LRMDA: variants seen among roughly 807,000 people sequenced by gnomAD.
LRMDA encodes leucine rich melanocyte differentiation associated.
A neutral mutation model predicts 29.8 loss-of-function variants in LRMDA; 18 were observed. That is an observed-to-expected ratio of 0.60 (90% CI 0.42 to 0.90). The LOEUF is 0.90. LRMDA is among the 40% of genes least tolerant of loss of function. The pLI, the probability that LRMDA is intolerant of heterozygous loss-of-function variation, is 0.00. For synonymous variants in LRMDA, 125 were observed against 109.4 expected (o/e 1.14, Z -0.89); for missense variants, 273 against 273.9 (o/e 1.00, Z 0.02).
intron 5 of LRMDA, among the ~76,000 whole-genome samples, chr10:76,219,845 A>C (rs918433842): frequency 2.0e-5 from 3 of 152,192 alleles, no homozygotes; most frequent in African/African-American, 7.2e-5. Flanking sequence ...CACCTATTCC[A>C]AAATTGACCA....
At chr10:76,159,116 T>C (rs1200166621) in intron 5 of LRMDA, among the ~76,000 whole-genome samples, 1 of 152,168 alleles carries the variant, frequency 6.6e-6, no homozygotes, top group Non-Finnish European at 1.5e-5. Flanking sequence ...CTGATTCGTG[T>C]TCTTTATTTT....
chr10:76,218,809 C>T (rs1159719911), intron 5 of LRMDA, among the ~76,000 whole-genome samples: 1 of 152,184 alleles, frequency 6.6e-6, no homozygotes, highest in Non-Finnish European at 1.5e-5. Context: ...GAGAATTACT[C>T]AGCTCTGGGG....
intron 2 of LRMDA, among the ~76,000 whole-genome samples, chr10:75,555,902 G>T (rs1446377651): frequency 6.6e-6 from 1 of 152,154 alleles, no homozygotes; most frequent in Non-Finnish European, 1.5e-5. Flanking sequence ...TTCTAGGACT[G>T]AAAATTATAA....
intron 5 of LRMDA, chr10:76,318,517 C>G (rs976628389): frequency 6.6e-6 from 1 of 152,534 alleles, no homozygotes; most frequent in Admixed American, 6.5e-5. Flanking sequence ...TCAGCTCCCT[C>G]GCTCAGCTTC....
chr10:76,329,828 C>T (rs915823460), intron 6 of LRMDA, among the ~76,000 whole-genome samples: 10 of 152,018 alleles, frequency 6.6e-5, no homozygotes, highest in African/African-American at 1.4e-4. Context: ...AGAAAAAGAC[C>T]GAAAGAAAAA....
At chr10:76,270,798 G>T (rs1198839126) in intron 5 of LRMDA, 1 of 152,156 alleles carries the variant, frequency 6.6e-6, no homozygotes, top group Non-Finnish European at 1.5e-5. Flanking sequence ...CAATCTAAGA[G>T]CTTTAATTAA....
chr10:76,486,988 T>G (rs1243964979), intron 6 of LRMDA, among the ~76,000 whole-genome samples: 1 of 151,934 alleles, frequency 6.6e-6, no homozygotes, highest in Non-Finnish European at 1.5e-5. Flanking sequence ...ATGAACAGGT[T>G]ATTATTGTGT....
intron 5 of LRMDA, among the ~76,000 whole-genome samples, chr10:76,156,265 G>A (rs1391732271): frequency 6.6e-6 from 1 of 152,132 alleles, no homozygotes; most frequent in African/African-American, 2.4e-5. Flanking sequence ...AACCCTGGAG[G>A]ACTTCTCTTT....
At chr10:75,944,632 G>C (rs946294974) in intron 2 of LRMDA, among the ~76,000 whole-genome samples, 1 of 151,118 alleles carries the variant, frequency 6.6e-6, no homozygotes, top group Admixed American at 6.6e-5. Flanking sequence ...CTTCTGGTTA[G>C]ATAATTTCTA....
At chr10:75,958,800 C>G (rs534666822) in intron 2 of LRMDA, among the ~76,000 whole-genome samples, 1 of 152,150 alleles carries the variant, frequency 6.6e-6, no homozygotes, top group Non-Finnish European at 1.5e-5. Flanking sequence ...GTTTAATGGA[C>G]TCACAGTTCC....
At chr10:76,310,422 A>T (rs927838506) in intron 5 of LRMDA, among the ~76,000 whole-genome samples, 1 of 151,976 alleles carries the variant, frequency 6.6e-6, no homozygotes, top group Non-Finnish European at 1.5e-5. Context: ...TAACAAAAAA[A>T]GTATGGGAAT....
At chr10:76,147,458 T>C (rs866760125) in intron 5 of LRMDA, among the ~76,000 whole-genome samples, 69 of 152,318 alleles carry the variant, frequency 4.5e-4, no homozygotes, top group African/African-American at 1.5e-3. Context: ...CTGATACCCT[T>C]TCTTCCAGTT....
chr10:75,460,890 C>G (rs969741479), intron 2 of LRMDA, among the ~76,000 whole-genome samples: 1 of 152,088 alleles, frequency 6.6e-6, no homozygotes, highest in African/African-American at 2.4e-5. Flanking sequence ...TGATGAACAT[C>G]TTTGTTTGTA....
intron 2 of LRMDA, among the ~76,000 whole-genome samples, chr10:75,962,814 A>G (rs553999587): frequency 6.6e-6 from 1 of 152,340 alleles, no homozygotes; most frequent in African/African-American, 2.4e-5. Flanking sequence ...TTCCTTTTGC[A>G]TAAGTGTGAC....
chr10:76,511,502 C>T (rs1036711831), intron 6 of LRMDA, among the ~76,000 whole-genome samples: 2 of 151,942 alleles, frequency 1.3e-5, no homozygotes, highest in Non-Finnish European at 2.9e-5. Context: ...CCACTAAAAA[C>T]CTATTAGAAC....
chr10:76,084,023 G>A (rs1175680152), intron 5 of LRMDA, among the ~76,000 whole-genome samples: 1 of 152,024 alleles, frequency 6.6e-6, no homozygotes, highest in African/African-American at 2.4e-5. Flanking sequence ...GAGGGCTTTG[G>A]GCTCCTGAGC....
At chr10:75,604,944 C>T (rs1192138933) in intron 2 of LRMDA, among the ~76,000 whole-genome samples, 2 of 152,198 alleles carry the variant, frequency 1.3e-5, no homozygotes, top group African/African-American at 2.4e-5. Context: ...AAGACCACCG[C>T]AGTCTGTGTA....
chr10:76,190,540 C>G (rs1851226034), intron 5 of LRMDA, among the ~76,000 whole-genome samples: 2 of 152,260 alleles, frequency 1.3e-5, no homozygotes, highest in African/African-American at 4.8e-5. Context: ...CACATTCTGT[C>G]AAGTTTATTA....
intron 2 of LRMDA, among the ~76,000 whole-genome samples, chr10:75,863,691 A>T (rs1844971825): frequency 6.6e-6 from 1 of 152,222 alleles, no homozygotes; most frequent in African/African-American, 2.4e-5. Context: ...ACTGGAAATT[A>T]TGAAATGCTA....
Sources: allele counts gnomAD v4.1 joint callset (sites outside exome capture counted in the v4.1 genomes callset), GRCh38; gene constraint gnomAD v4.1.1; transcripts MANE v1.5; gene names NCBI Gene and HGNC (gene_info 2026-07-23, HGNC 2026-07-21).